The following MYO5B variants were observed in gnomAD, a reference collection of about 807,000 sequenced individuals.
MYO5B encodes unconventional myosin-Vb.
A neutral mutation model predicts 229.3 loss-of-function variants in MYO5B; 143 were observed. That is an observed-to-expected ratio of 0.62 (90% CI 0.54 to 0.72). The LOEUF is 0.72. Among genes scored for constraint, MYO5B ranks in the 30% least tolerant of loss-of-function variants. The pLI, the probability that MYO5B is intolerant of heterozygous loss-of-function variation, is 0.00. For missense variants in MYO5B, 2,321 were observed against 2,331.0 expected (o/e 1.00, Z 0.09); for synonymous variants, 918 against 885.2 (o/e 1.04, Z -0.66).
At position 50,053,232 on chromosome 18, in the gene MYO5B, A is replaced by G. The variant is rs2030450359; in HGVS notation, c.138+2036T>C. On this transcript the variant is annotated intron_variant, in intron 2 of 39. Coordinates refer to ENST00000285039, the MANE Select transcript of MYO5B (RefSeq NM_001080467.3). ...GATGTTCAGAGCCCATTATTTCTCG[A>G]GAACTGCTAATCTCTAGAGCCAGGC... Among the ~76,000 whole-genome samples, 2 of 152,162 alleles carry G rather than the reference A, an allele frequency of 1.3e-5. 1 individual carries two copies. Among genetic ancestry groups the G allele is most frequent in the East Asian group, 3.9e-4 (2 of 5,190 alleles).
chr18:49,921,244 A>C (rs956866631), intron 17 of MYO5B, among the ~76,000 whole-genome samples: 59 of 147,202 alleles, frequency 4.0e-4, no homozygotes, highest in Admixed American at 1.1e-3. Context: ...GGAGAACTCA[A>C]GTTCAAGCAG....
At chr18:49,959,112 G>A (rs1006190306) in intron 12 of MYO5B, among the ~76,000 whole-genome samples, 15 of 151,980 alleles carry the variant, frequency 9.9e-5, no homozygotes, top group Non-Finnish European at 1.9e-4. Flanking sequence ...CTCCAAGTGT[G>A]ACATTCCCTT....
rs2033065286 is a variant in MYO5B at position 50,180,947 on chromosome 18, CT to C, written c.27+13819del. Among the ~76,000 whole-genome samples, 6 of 152,330 alleles carry C rather than the reference CT, an allele frequency of 3.9e-5. No individual in the cohort carries two copies. The South Asian group carries it at 1.2e-3, about 32-fold the overall frequency. ...GGAATAGTCAAAAGGGTGCTCCCTG[CT>C]TTTGACAATCATGGATAATGCTGCT... is the stretch of plus-strand genomic sequence containing the variant. On this transcript the variant is annotated intron_variant, in intron 1 of 39. Transcript: ENST00000285039.
At chr18:49,842,930 C>T (rs2024077524) in intron 34 of MYO5B, among the ~76,000 whole-genome samples, 1 of 152,194 alleles carries the variant, frequency 6.6e-6, no homozygotes, top group Non-Finnish European at 1.5e-5. Context: ...AGGATGTCTC[C>T]CTAGCACCTC....
intron 14 of MYO5B, among the ~76,000 whole-genome samples, chr18:49,937,940 G>T (rs751631252): frequency 5.3e-4 from 81 of 152,092 alleles, no homozygotes; most frequent in Non-Finnish European, 1.0e-3. Flanking sequence ...ATAAATTGGT[G>T]AACATCCTGA....
In MYO5B at chr18:49,994,642, C is replaced by T. The variant is rs370003187; in HGVS notation, c.613-2211G>A. ...CCTGATGTAACTCTCAGTCACCTAA[C>T]TGGAAGAGTTTACGTAATCAGCTTC... On this transcript the variant is annotated intron_variant, in intron 5 of 39. Coordinates refer to ENST00000285039, the MANE Select transcript of MYO5B (RefSeq NM_001080467.3). Among the ~76,000 whole-genome samples the T allele has an allele frequency of 7.9e-5, 12 of 152,312 alleles. No individual in the cohort carries two copies. In the East Asian group the frequency reaches 2.3e-3, roughly 29 times the overall value.
chr18:49,997,125 G>A (rs2025996162), intron 5 of MYO5B, among the ~76,000 whole-genome samples: 2 of 151,974 alleles, frequency 1.3e-5, no homozygotes, highest in Admixed American at 1.3e-4. Flanking sequence ...AAGGTAGCTG[G>A]TCATGGTGGT....
intron 10 of MYO5B, among the ~76,000 whole-genome samples, chr18:49,964,789 A>G (rs1031395184): frequency 3.0e-4 from 46 of 152,286 alleles, no homozygotes; most frequent in African/African-American, 8.2e-4. Flanking sequence ...TTAGAATATC[A>G]ACACTATCAT....
At chr18:49,902,862 T>G in intron 20 of MYO5B, 29 bp from the exon 21 acceptor site, 1 of 1,597,024 alleles carries the variant, frequency 6.3e-7, no homozygotes, top group South Asian at 1.1e-5. Context: ...ACACATCTTG[T>G]GGGTTTGCAC....
chr18:50,087,572 CAAAAA>C (rs3075643), intron 1 of MYO5B, among the ~76,000 whole-genome samples: 13 of 85,648 alleles, frequency 1.5e-4, no homozygotes, highest in Non-Finnish European at 3.2e-4. Flanking sequence ...GACTCCATCT[CAAAAA>C]AAAAAAAAAA....
At chr18:50,066,860 A>G (rs2030832836) in intron 1 of MYO5B, among the ~76,000 whole-genome samples, 1 of 152,210 alleles carries the variant, frequency 6.6e-6, no homozygotes, top group African/African-American at 2.4e-5. Context: ...AGCTCTATCT[A>G]GTGTTAATAT....
intron 18 of MYO5B, among the ~76,000 whole-genome samples, chr18:49,910,359 T>C (rs976054006): frequency 1.3e-5 from 2 of 152,114 alleles, no homozygotes; most frequent in Non-Finnish European, 2.9e-5. Context: ...ACTATGATCC[T>C]AGACAAATGA....
intron 14 of MYO5B, among the ~76,000 whole-genome samples, chr18:49,945,935 T>C (rs1292578754): frequency 6.6e-6 from 1 of 152,208 alleles, no homozygotes; most frequent in African/African-American, 2.4e-5. Flanking sequence ...TTGTGATTCA[T>C]GCCTGTCTGT....
Position 49,991,567 on chromosome 18 carries a change from C to T in MYO5B, c.756+721G>A, listed in dbSNP as rs1047073282. Among the ~76,000 whole-genome samples the T allele has an allele frequency of 1.1e-4, 17 of 152,034 alleles. No homozygotes were observed. In the East Asian group the frequency reaches 1.2e-3, roughly 10 times the overall value. ...CTGGCAGGAGGAAACTAAAGGTAAGCGAAGAACAGTGAAGAATCAAGTCAG... is the reference window on the plus strand; with the variant it reads ...CTGGCAGGAGGAAACTAAAGGTAAGTGAAGAACAGTGAAGAATCAAGTCAG... On this transcript the variant is annotated intron_variant, in intron 6 of 39. Coordinates refer to ENST00000285039, the MANE Select transcript of MYO5B (RefSeq NM_001080467.3).
intron 21 of MYO5B, among the ~76,000 whole-genome samples, chr18:49,898,354 T>C (rs968575527): frequency 2.0e-5 from 3 of 152,238 alleles, no homozygotes; most frequent in South Asian, 2.1e-4. Flanking sequence ...ATATTTCTCA[T>C]ATAAAATATA....
At position 49,937,249 on chromosome 18, in the gene MYO5B, T is replaced by C. The variant is rs1317601930; in HGVS notation, c.1901A>G (p.His634Arg). The C allele has an allele frequency of 6.2e-7, 1 of 1,614,074 alleles. No homozygotes were observed. Among genetic ancestry groups the C allele is most frequent in the Non-Finnish European group, 8.5e-7 (1 of 1,179,948 alleles). The change falls in exon 15 of 40, where the codon CAC (histidine) becomes CGC (arginine). Residue 634 changes from histidine to arginine, a missense_variant. By Grantham distance (29) the His-to-Arg change is conservative. Coordinates refer to ENST00000285039, the MANE Select transcript of MYO5B (RefSeq NM_001080467.3). ...AGCTTTTGGTCCGGGGCTGACCTGG[T>C]GGCCAACGGTTTTCTTGTGCTCCTT... The part of the protein sequence containing the change: ...SNKEHKKTVG[H>R]QFRTSLHLLM...
intron 22 of MYO5B, among the ~76,000 whole-genome samples, chr18:49,882,985 A>G (rs944707962): frequency 3.3e-5 from 5 of 152,246 alleles, no homozygotes; most frequent in Admixed American, 1.3e-4. Flanking sequence ...AAAATCCTCA[A>G]CTAAATACTA....
At chr18:50,182,997 C>T (rs2033094306) in intron 1 of MYO5B, among the ~76,000 whole-genome samples, 1 of 152,114 alleles carries the variant, frequency 6.6e-6, no homozygotes, top group South Asian at 2.1e-4. Context: ...ACACACTCAA[C>T]CACCAATTGC....
intron 1 of MYO5B, among the ~76,000 whole-genome samples, chr18:50,139,986 G>T (rs2032393510): frequency 6.6e-6 from 1 of 151,848 alleles, no homozygotes; most frequent in Non-Finnish European, 1.5e-5. Flanking sequence ...GTATAATTCA[G>T]AAAGTTGTAC....
Sources: allele counts gnomAD v4.1 joint callset (sites outside exome capture counted in the v4.1 genomes callset), GRCh38; gene constraint gnomAD v4.1.1; transcripts MANE v1.5; gene names NCBI Gene and HGNC (gene_info 2026-07-23, HGNC 2026-07-21).